KRT75: variants seen among roughly 807,000 people sequenced by gnomAD.
KRT75 encodes keratin, type II cytoskeletal 75.
A neutral mutation model predicts 48.8 loss-of-function variants in KRT75; 35 were observed. The ratio of observed to expected loss-of-function variants is 0.72; its 90% CI spans 0.55 to 0.95. The LOEUF (loss-of-function observed/expected upper bound fraction) is 0.95, where lower values mean the gene tolerates loss of function less well. KRT75 is among the 40% of genes least tolerant of loss of function. The pLI is 0.00. For synonymous variants in KRT75, 301 were observed against 282.3 expected, an observed-to-expected ratio of 1.07 and a Z score of -0.66; for missense variants, 776 against 709.9, an observed-to-expected ratio of 1.09 and a Z score of -1.06.
chr12:52,432,616 C>G (rs923466832), intron 2 of KRT75, among the ~76,000 whole-genome samples: 1 of 152,158 alleles, frequency 6.6e-6, no homozygotes, highest in South Asian at 2.1e-4. Context: ...AGTTTCCCCC[C>G]ACAAGAAAAG....
At position 52,433,252 on chromosome 12, in the gene KRT75, C is replaced by A. The variant is rs2121513202; in HGVS notation, c.499G>T (p.Val167Leu). Residue 167 changes from valine to leucine, a missense_variant and splice_region_variant, in exon 2 of 9, where the codon GTG becomes TTG. By Grantham distance (32) the Val-to-Leu change is conservative (BLOSUM62 1). Transcript: ENST00000252245. ...NNKFASFIDK[V>L]RFLEQQNKVL... ...TTGTTCTGCTGCTCCAAGAACCTCA[C>A]CTGGAGGGAAGAAGAGAGAATGAAA... 1 of 1,613,452 alleles carries A rather than the reference C, an allele frequency of 6.2e-7. No homozygotes were observed. Among genetic ancestry groups the A allele is most frequent in the African/African-American group, 1.3e-5 (1 of 74,966 alleles).
chr12:52,431,240 A>G (rs982297201), intron 4 of KRT75, among the ~76,000 whole-genome samples: 2 of 151,332 alleles, frequency 1.3e-5, no homozygotes, highest in Non-Finnish European at 2.9e-5. Context: ...GGGAGCAGGT[A>G]TGTGTTGATT....
At chr12:52,429,203 A>T (rs1219670503) in intron 5 of KRT75, among the ~76,000 whole-genome samples, 2 of 152,156 alleles carry the variant, frequency 1.3e-5, no homozygotes, top group Non-Finnish European at 2.9e-5. Flanking sequence ...CGGTGATTTG[A>T]TCAAGGTCCC....
At chr12:52,433,660 GA>G in intron 1 of KRT75, 146 bp downstream of exon 1, 1 of 1,284,718 alleles carries the variant, frequency 7.8e-7, no homozygotes, top group Non-Finnish European at 1.1e-6. Flanking sequence ...GCCTGACTTG[GA>G]AGGGTCTCAG....
Position 52,434,340 on chromosome 12 carries a change from G to T in KRT75, c.-36C>A. 1 of 1,572,046 alleles carries T rather than the reference G, an allele frequency of 6.4e-7. No homozygotes were observed. The highest frequency in any genetic ancestry group is 1.2e-5 in the South Asian group (1 of 85,372). Reference sequence around the variant, plus strand: ...GAAGGCCGGCGAGAAGGCACCTGAGGTGGGCTGGTACAGGCAGTGGAGAAG... The same window carrying T: ...GAAGGCCGGCGAGAAGGCACCTGAGTTGGGCTGGTACAGGCAGTGGAGAAG... On this transcript the variant is annotated 5_prime_UTR_variant, in exon 1 of 9. Coordinates refer to ENST00000252245, the MANE Select transcript of KRT75 (RefSeq NM_004693.3).
Position 52,424,208 on chromosome 12 carries a change from G to T in KRT75, c.*309C>A. On this transcript the variant is annotated 3_prime_UTR_variant, in exon 9 of 9. Transcript: ENST00000252245. The stretch of plus-strand genomic sequence containing the variant: ...AGAGACTCCCCAGCCTCTGCATCTG[G>T]AGGGAGGGAGGGAGGTGGAGCTGGA... The T allele has an allele frequency of 2.3e-6, 1 of 430,686 alleles. No individual in the cohort carries two copies. Among genetic ancestry groups the T allele is most frequent in the Non-Finnish European group, 4.3e-6 (1 of 230,046 alleles). The allele number at this position is 430,686 out of a possible 1,614,324, so 26.7% of individuals were successfully genotyped here.
Position 52,434,351 on chromosome 12 carries a change from C to T in KRT75, c.-47G>A. 2 of 1,548,618 alleles carry T rather than the reference C, an allele frequency of 1.3e-6. No individual in the cohort carries two copies. Among genetic ancestry groups the T allele is most frequent in the Non-Finnish European group, 8.6e-7 (1 of 1,156,880 alleles). On this transcript the variant is annotated 5_prime_UTR_variant, in exon 1 of 9. Coordinates refer to ENST00000252245, the MANE Select transcript of KRT75 (RefSeq NM_004693.3). Reference sequence around the variant, plus strand: ...AGAAGGCACCTGAGGTGGGCTGGTACAGGCAGTGGAGAAGACAGGTGGCTG... The same window carrying T: ...AGAAGGCACCTGAGGTGGGCTGGTATAGGCAGTGGAGAAGACAGGTGGCTG...
At chr12:52,430,068 T>G (rs571775088) in intron 5 of KRT75, among the ~76,000 whole-genome samples, 1 of 152,312 alleles carries the variant, frequency 6.6e-6, no homozygotes, top group African/African-American at 2.4e-5. Flanking sequence ...CCCCCATGTC[T>G]TCCTGGAAGC....
chr12:52,433,743 G>A lies in KRT75; in HGVS notation c.498+64C>T, dbSNP rs1940178788. Reference sequence around the variant, plus strand: ...ATTGCATTATTGCTCTCCCCCCATGGGATGGCCCTTCCAAGAGTTTATTTG... The same window carrying A: ...ATTGCATTATTGCTCTCCCCCCATGAGATGGCCCTTCCAAGAGTTTATTTG... On this transcript the variant is annotated intron_variant, in intron 1 of 8. Coordinates refer to ENST00000252245, the MANE Select transcript of KRT75 (RefSeq NM_004693.3). 4.3e-6 allele frequency: 7 copies of A among 1,609,904 alleles called. No homozygotes were observed. The South Asian group carries it at 7.7e-5, about 18-fold the overall frequency.
chr12:52,427,124 C>T (rs112743738), intron 7 of KRT75, among the ~76,000 whole-genome samples: 6 of 152,024 alleles, frequency 3.9e-5, no homozygotes, highest in South Asian at 2.1e-4. Context: ...AGTTAGATGC[C>T]TTAAGGAAAT....
chr12:52,433,973 G>T lies in KRT75; in HGVS notation c.332C>A (p.Pro111His). Reference protein sequence around the residue: ...GGGVGGGFSGPSFPVCPPGGI... With the variant: ...GGGVGGGFSGHSFPVCPPGGI... ...TCCAGGGGGACACACGGGGAAGCTG[G>T]GGCCACTGAAGCCTCCTCCAACTCC... The change falls in exon 1 of 9, where the codon CCC (proline) becomes CAC (histidine). Residue 111 changes from proline (P) to histidine (H), a missense_variant. Transcript: ENST00000252245. 2.5e-6 allele frequency: 4 copies of T among 1,614,144 alleles called. No individual in the cohort carries two copies. Among genetic ancestry groups the T allele is most frequent in the Non-Finnish European group, 3.4e-6 (4 of 1,180,002 alleles).
intron 8 of KRT75, among the ~76,000 whole-genome samples, chr12:52,425,931 C>T (rs1940070957): frequency 1.3e-5 from 2 of 152,286 alleles, no homozygotes; most frequent in South Asian, 4.2e-4. Flanking sequence ...AGAAAAGGAG[C>T]TTCAAGGTTA....
chr12:52,430,420 A>C (rs1046299592), intron 5 of KRT75, 121 bp downstream of exon 5: 25 of 1,051,624 alleles, frequency 2.4e-5, no homozygotes, highest in Non-Finnish European at 3.7e-5. Flanking sequence ...CATCAAAGAC[A>C]TGCCTGCTAA....
Position 52,426,731 on chromosome 12 carries a change from T to C in KRT75, c.1417+86A>G, listed in dbSNP as rs1419756356. The C allele has an allele frequency of 3.7e-6, 5 of 1,339,256 alleles. No homozygotes were observed. In the East Asian group the frequency reaches 6.9e-5, roughly 18 times the overall value. The allele number at this position is 1,339,256 out of a possible 1,614,324, so 83.0% of individuals were successfully genotyped here. ...CTGTGAGATCCCGTCTAACCCGTCA[T>C]ATCTTCACCCTCTGGCAAGCCCACC... On this transcript the variant is annotated intron_variant, in intron 8 of 8. Coordinates refer to ENST00000252245, the MANE Select transcript of KRT75 (RefSeq NM_004693.3).
chr12:52,429,993 A>C (rs1030898345), intron 5 of KRT75, among the ~76,000 whole-genome samples: 2 of 152,088 alleles, frequency 1.3e-5, no homozygotes, highest in African/African-American at 4.8e-5. Flanking sequence ...CTCCTTGTTC[A>C]GCCTTAAACC....
chr12:52,430,378 TTCC>T (rs558826598), intron 5 of KRT75, among the ~76,000 whole-genome samples, 160 bp downstream of exon 5: 144 of 152,266 alleles, frequency 9.5e-4, no homozygotes, highest in African/African-American at 3.4e-3. Context: ...CTGGTTCGGT[TTCC>T]ACATGCATTT....
In KRT75 at chr12:52,431,128, C is replaced by T. The variant is rs187843306; in HGVS notation, c.870+415G>A. Among the ~76,000 whole-genome samples, 445 of 152,066 alleles carry T rather than the reference C, an allele frequency of 2.9e-3. 2 individuals are homozygous for T. The highest frequency in any genetic ancestry group is 0.01 in the African/African-American group (429 of 41,486). On this transcript the variant is annotated intron_variant, in intron 4 of 8. Transcript: ENST00000252245. ...CAGGTCTCTGCCTTTGGAGGGGTAGCGCCCAGAATGAGGCATCTTCAAAGG... is the reference window on the plus strand; with the variant it reads ...CAGGTCTCTGCCTTTGGAGGGGTAGTGCCCAGAATGAGGCATCTTCAAAGG...
Position 52,433,836 on chromosome 12 carries a change from T to C in KRT75, c.469A>G (p.Asn157Asp). ...TCGATGAAGGAGGCGAACTTATTGT[T>C]GAGGGTCTTGATCTGCTCGCGCTCC... The part of the protein sequence containing the change: ...AEEREQIKTL[N>D]NKFASFIDKV... The change falls in exon 1 of 9, where the codon AAC (asparagine) becomes GAC (aspartate). Residue 157 changes from asparagine to aspartate, a missense_variant. Physicochemically the swap from Asn to Asp is conservative, Grantham distance 23. Coordinates refer to ENST00000252245, the MANE Select transcript of KRT75 (RefSeq NM_004693.3). 6.2e-7 allele frequency: 1 copy of C among 1,614,096 alleles called. No homozygotes were observed. Among genetic ancestry groups the C allele is most frequent in the Non-Finnish European group, 8.5e-7 (1 of 1,180,010 alleles).
In KRT75 at chr12:52,433,891, G is replaced by A. The variant is rs1940181077; in HGVS notation, c.414C>T (p.Ile138=). 5.6e-6 allele frequency: 9 copies of A among 1,614,150 alleles called. No homozygotes were observed. Among genetic ancestry groups the A allele is most frequent in the Non-Finnish European group, 7.6e-6 (9 of 1,180,012 alleles). Residue 138 remains isoleucine (I), a synonymous_variant, in exon 1 of 9, where the codon ATC becomes ATT. Coordinates refer to ENST00000252245, the MANE Select transcript of KRT75 (RefSeq NM_004693.3). ...CCCGCACCCGCTGGATGGTGGGGTC[G>A]ATTTGCAGGTGAAGAGGAGTCAGGA... is the stretch of plus-strand genomic sequence containing the variant. ...QSLLTPLHLQ[I]DPTIQRVRAE...
Sources: allele counts gnomAD v4.1 joint callset (sites outside exome capture counted in the v4.1 genomes callset), GRCh38; gene constraint gnomAD v4.1.1; transcripts MANE v1.5; gene names NCBI Gene and HGNC (gene_info 2026-07-23, HGNC 2026-07-21).